ZFHX3: variants seen among roughly 807,000 people sequenced by gnomAD.
ZFHX3 encodes the protein zinc finger homeobox 3.
ZFHX3 carries 42 observed loss-of-function variants against 279.1 expected under a neutral mutation model. The ratio of observed to expected loss-of-function variants is 0.15; its 90% CI spans 0.12 to 0.19. ZFHX3 has a LOEUF of 0.19. Among genes scored for constraint, ZFHX3 ranks in the 10% least tolerant of loss-of-function variants. The probability of loss-of-function intolerance (pLI) is 1.00; values close to 1 mark genes in which losing one functional copy is unlikely to be tolerated. For synonymous variants in ZFHX3, 2,293 were observed against 1,957.8 expected (o/e 1.17, Z -4.52); for missense variants, 4,981 against 4,754.0 (o/e 1.05, Z -1.40).
chr16:73,397,255 A>G lies in ZFHX3; in HGVS notation c.-1291+58748T>C, dbSNP rs539236737. ...ACCTGAAGAGTAAGGATTATCAGCCATGCAAAGATCTGGGCGCTCAGGCAG... is the reference window on the plus strand; with the variant it reads ...ACCTGAAGAGTAAGGATTATCAGCCGTGCAAAGATCTGGGCGCTCAGGCAG... On this transcript the variant is annotated intron_variant, in intron 3 of 17. Transcript: ENST00000641206. 1.5e-4 allele frequency among the ~76,000 whole-genome samples: 23 copies of G among 152,364 alleles called. No homozygotes were observed. In the South Asian group the frequency reaches 4.6e-3, roughly 30 times the overall value.
chr16:73,306,267 C>G (rs2015177970), intron 4 of ZFHX3, among the ~76,000 whole-genome samples: 2 of 152,162 alleles, frequency 1.3e-5, no homozygotes, highest in Non-Finnish European at 2.9e-5. Flanking sequence ...TAGATCAAAA[C>G]AGAGTTTTAA....
At chr16:72,859,712 T>A (rs1165830917) in intron 4 of ZFHX3, among the ~76,000 whole-genome samples, 4 of 152,154 alleles carry the variant, frequency 2.6e-5, no homozygotes, top group Admixed American at 2.6e-4. Flanking sequence ...GACCATCCTT[T>A]AGTCTACAAG....
intron 3 of ZFHX3, among the ~76,000 whole-genome samples, chr16:72,896,070 G>A (rs2038892177): frequency 6.6e-6 from 1 of 152,160 alleles, no homozygotes; most frequent in South Asian, 2.1e-4. Context: ...TCATAAATGG[G>A]AGCAGAAAAA....
intron 4 of ZFHX3, among the ~76,000 whole-genome samples, chr16:73,269,864 T>A (rs1322105665): frequency 6.6e-6 from 1 of 152,074 alleles, no homozygotes; most frequent in Non-Finnish European, 1.5e-5. Context: ...TTCTCCTGCC[T>A]CAGTCTCCGG....
rs2018708335 is a variant in ZFHX3 at position 73,473,365 on chromosome 16, A to AAAAAAAAAAAAAC, written c.-1546-17108_-1546-17107insGTTTTTTTTTTTT. ...AAAAAAAAAAAAAAAAAACAAAAAA[A>AAAAAAAAAAAAAC]AAAAAAACAAAATAATAAGCTATGT... On this transcript the variant is annotated intron_variant, in intron 2 of 17. Coordinates refer to the ZFHX3 transcript ENST00000641206. Among the ~76,000 whole-genome samples, 56 of 130,160 alleles carry AAAAAAAAAAAAAC rather than the reference A, an allele frequency of 4.3e-4. 1 individual carries two copies. The highest frequency in any genetic ancestry group is 1.7e-3 in the African/African-American group (54 of 32,526). 85.4% of individuals were successfully genotyped at this position (130,160 alleles called of 152,430 possible).
chr16:73,192,459 T>TA (rs1968063153), intron 5 of ZFHX3, among the ~76,000 whole-genome samples: 2 of 152,166 alleles, frequency 1.3e-5, no homozygotes, highest in Non-Finnish European at 2.9e-5. Context: ...GCCCTGGTGT[T>TA]AATTTCATGA....
chr16:73,512,151 C>A (rs970522816), intron 2 of ZFHX3, among the ~76,000 whole-genome samples: 1 of 151,954 alleles, frequency 6.6e-6, no homozygotes, highest in Non-Finnish European at 1.5e-5. Context: ...ATGGATTGGC[C>A]TGGCCTGGTG....
chr16:73,395,399 G>A (rs2017106626), intron 3 of ZFHX3, among the ~76,000 whole-genome samples: 2 of 151,238 alleles, frequency 1.3e-5, no homozygotes, highest in Non-Finnish European at 2.9e-5. Context: ...GGGAGGCAGA[G>A]GTTGCAGTGA....
Position 73,706,443 on chromosome 16 carries a change from C to T in ZFHX3, c.-1607-26203G>A, listed in dbSNP as rs187455619. Among the ~76,000 whole-genome samples the T allele has an allele frequency of 4.6e-3, 596 of 128,668 alleles. 3 individuals are homozygous for T. The highest frequency in any genetic ancestry group is 0.017 in the African/African-American group (558 of 33,636). The allele number at this position is 128,668 out of a possible 152,430, so 84.4% of individuals were successfully genotyped here. A position where few individuals can be genotyped will look rare whatever the true frequency, so the allele number is the denominator to read the frequency against. On this transcript the variant is annotated intron_variant, in intron 1 of 17. Coordinates refer to the ZFHX3 transcript ENST00000641206. ...TGCACTCCAGCCTGGGTGACAAGAG[C>T]GAAACTCTATCTCAAAAAAAAAAAA... is the stretch of plus-strand genomic sequence containing the variant.
upstream of ZFHX3, chr16:73,060,428 C>T (rs1441749367): frequency 1.3e-5 from 2 of 152,086 alleles, no homozygotes; most frequent in Non-Finnish European, 1.5e-5. Context: ...TCAAAGCCAT[C>T]ACTTAGGCTG....
intron 2 of ZFHX3, among the ~76,000 whole-genome samples, chr16:73,591,585 C>G (rs1227333180): frequency 7.1e-6 from 1 of 140,364 alleles, no homozygotes; most frequent in African/African-American, 2.6e-5. Context: ...CCCAGTTACT[C>G]GGGAGGCTGA....
chr16:73,541,668 A>G (rs1021685438), intron 2 of ZFHX3, among the ~76,000 whole-genome samples: 2 of 150,804 alleles, frequency 1.3e-5, no homozygotes, highest in Admixed American at 6.6e-5. Flanking sequence ...TTTTCCTTAC[A>G]TGGGACGCTT....
intron 2 of ZFHX3, among the ~76,000 whole-genome samples, chr16:73,584,939 C>G (rs2051908188): frequency 6.6e-6 from 1 of 152,190 alleles, no homozygotes; most frequent in South Asian, 2.1e-4. Context: ...ATAGACACTT[C>G]TCAAAAGACG....
At chr16:73,523,465 A>G (rs1438461734) in intron 2 of ZFHX3, among the ~76,000 whole-genome samples, 4 of 151,982 alleles carry the variant, frequency 2.6e-5, no homozygotes, top group Admixed American at 1.3e-4. Context: ...GCCCTGTCCC[A>G]TGTTCTGAGT....
chr16:73,105,352 TACAC>T (rs1188802241), intron 7 of ZFHX3, among the ~76,000 whole-genome samples: 11 of 102,364 alleles, frequency 1.1e-4, no homozygotes, highest in African/African-American at 6.8e-4. Flanking sequence ...TATATATATA[TACAC>T]ATATATATAC....
At chr16:72,948,266 C>G (rs931156637) in intron 3 of ZFHX3, among the ~76,000 whole-genome samples, 3 of 152,198 alleles carry the variant, frequency 2.0e-5, no homozygotes, top group Non-Finnish European at 4.4e-5. Context: ...GGGGATGTGC[C>G]GGCCAGATGC....
intron 4 of ZFHX3, among the ~76,000 whole-genome samples, chr16:72,875,292 G>A (rs909671022): frequency 6.6e-6 from 1 of 152,232 alleles, no homozygotes; most frequent in Non-Finnish European, 1.5e-5. Context: ...CAGACTGGGG[G>A]CAGAAACTGG....
intron 4 of ZFHX3, among the ~76,000 whole-genome samples, chr16:72,882,393 A>C (rs2038501582): frequency 6.6e-6 from 1 of 152,098 alleles, no homozygotes. Context: ...ACACGCACAA[A>C]ACCCTGGTAG....
intron 4 of ZFHX3, among the ~76,000 whole-genome samples, chr16:72,841,096 G>A (rs1057384212): frequency 7.6e-4 from 116 of 152,280 alleles, no homozygotes; most frequent in African/African-American, 2.6e-3. Flanking sequence ...TGCAAGCATC[G>A]TGGGGAGCCT....
Sources: allele counts gnomAD v4.1 joint callset (sites outside exome capture counted in the v4.1 genomes callset), GRCh38; gene constraint gnomAD v4.1.1; transcripts MANE v1.5; gene names NCBI Gene and HGNC (gene_info 2026-07-23, HGNC 2026-07-21).